Variants in FMNL2 observed in about 807,000 individuals in gnomAD.
FMNL2 encodes formin-like protein 2.
In FMNL2, 51 loss-of-function variants were observed where a neutral mutation model predicts 130.2. The observed-to-expected ratio is 0.39, with a 90% CI of 0.31 to 0.49. The LOEUF (loss-of-function observed/expected upper bound fraction) is 0.49. Ranked by LOEUF, FMNL2 falls within the 20% of genes least tolerant of loss-of-function variation. The probability of loss-of-function intolerance (pLI) is 0.85; values close to 1 mark genes in which losing one functional copy is unlikely to be tolerated. For synonymous variants in FMNL2, 465 were observed against 467.1 expected (o/e 1.00, Z 0.06); for missense variants, 977 against 1,316.2 (o/e 0.74, Z 3.99).
chr2:152,585,590 G>A (rs1002516136), intron 9 of FMNL2, among the ~76,000 whole-genome samples: 4 of 152,150 alleles, frequency 2.6e-5, no homozygotes, highest in African/African-American at 7.2e-5. Flanking sequence ...TTCCTAAAAT[G>A]TGGCTATACT....
At chr2:152,399,774 A>G (rs1038488755) in intron 1 of FMNL2, among the ~76,000 whole-genome samples, 6 of 152,204 alleles carry the variant, frequency 3.9e-5, no homozygotes, top group Non-Finnish European at 8.8e-5. Context: ...GAAGTGAGGA[A>G]GCAGTTAAAG....
At chr2:152,617,061 T>G (rs1698991525) in intron 12 of FMNL2, 30 bp from the exon 13 acceptor site, 4 of 1,597,442 alleles carry the variant, frequency 2.5e-6, no homozygotes, top group Non-Finnish European at 3.4e-6. Flanking sequence ...GATCCTGTAT[T>G]GTGACAGCTT....
intron 1 of FMNL2, among the ~76,000 whole-genome samples, chr2:152,481,491 T>A (rs1026335787): frequency 2.6e-5 from 4 of 152,200 alleles, no homozygotes; most frequent in African/African-American, 9.7e-5. Context: ...CGTGGGGAGC[T>A]TTAAAAAATA....
chr2:152,618,144 C>G (rs1056619304), intron 13 of FMNL2, among the ~76,000 whole-genome samples: 3 of 152,288 alleles, frequency 2.0e-5, no homozygotes, highest in Non-Finnish European at 4.4e-5. Context: ...ATGGGCCCCC[C>G]CCTTATAAAA....
At chr2:152,554,828 A>G (rs181867743) in intron 4 of FMNL2, among the ~76,000 whole-genome samples, 6 of 152,208 alleles carry the variant, frequency 3.9e-5, no homozygotes, top group African/African-American at 9.7e-5. Flanking sequence ...TTGACATTCC[A>G]TGAAAAAATG....
intron 6 of FMNL2, among the ~76,000 whole-genome samples, chr2:152,561,756 C>T (rs1837105): frequency 0.76 from 115,045 of 151,910 alleles, 43,744 homozygotes; most frequent in East Asian, 0.81. Context: ...TTTTGTAATT[C>T]TAGTAGAGGC....
At chr2:152,495,090 A>T (rs529456910) in intron 1 of FMNL2, among the ~76,000 whole-genome samples, 5 of 152,290 alleles carry the variant, frequency 3.3e-5, no homozygotes, top group Non-Finnish European at 7.4e-5. Flanking sequence ...CGATTTGTCT[A>T]TGATGCTTGC....
intron 1 of FMNL2, among the ~76,000 whole-genome samples, chr2:152,373,727 T>C (rs1351514735): frequency 1.3e-5 from 2 of 152,028 alleles, no homozygotes; most frequent in East Asian, 3.9e-4. Context: ...TTTTTTTTTT[T>C]CCTGAATATT....
chr2:152,434,495 G>C (rs1272679619), intron 1 of FMNL2, among the ~76,000 whole-genome samples: 6 of 152,156 alleles, frequency 3.9e-5, no homozygotes. Flanking sequence ...ACAAAAACTT[G>C]AGTGCTTCCT....
At chr2:152,487,488 A>G (rs1690894705) in intron 1 of FMNL2, among the ~76,000 whole-genome samples, 1 of 152,216 alleles carries the variant, frequency 6.6e-6, no homozygotes, top group Admixed American at 6.5e-5. Context: ...TACATTATCT[A>G]TCAATGATAT....
intron 1 of FMNL2, among the ~76,000 whole-genome samples, chr2:152,361,029 A>T (rs1005457309): frequency 6.6e-6 from 1 of 152,230 alleles, no homozygotes; most frequent in Non-Finnish European, 1.5e-5. Flanking sequence ...CATAATAAAC[A>T]GTGGGGAATA....
At chr2:152,638,557 G>A (rs893328) in intron 23 of FMNL2, among the ~76,000 whole-genome samples, 129,021 of 152,246 alleles carry the variant, frequency 0.85, 55,303 homozygotes, top group Non-Finnish European at 0.9. Context: ...CTAAAACTCA[G>A]AAAGTCAAAA....
At chr2:152,554,553 C>G (rs1695106174) in intron 4 of FMNL2, among the ~76,000 whole-genome samples, 1 of 152,148 alleles carries the variant, frequency 6.6e-6, no homozygotes, top group Non-Finnish European at 1.5e-5. Flanking sequence ...GAAGCATATC[C>G]CTTTACAATG....
intron 1 of FMNL2, among the ~76,000 whole-genome samples, chr2:152,520,344 C>T (rs527987220): frequency 1.6e-4 from 25 of 151,982 alleles, no homozygotes; most frequent in African/African-American, 5.1e-4. Context: ...CTGTAATCCC[C>T]GCACTTTGGG....
chr2:152,390,406 G>C, intron 1 of FMNL2: 1 of 1,092,568 alleles, frequency 9.2e-7, no homozygotes, highest in Non-Finnish European at 1.4e-6. Flanking sequence ...TGGTGGAGCT[G>C]CTTGGTGTCC....
chr2:152,445,732 A>G (rs974532226), intron 1 of FMNL2, among the ~76,000 whole-genome samples: 2 of 152,178 alleles, frequency 1.3e-5, no homozygotes, highest in African/African-American at 4.8e-5. Flanking sequence ...TTCCCAGGTG[A>G]TGCTGCTAGC....
intron 1 of FMNL2, among the ~76,000 whole-genome samples, chr2:152,465,497 T>C (rs1689480054): frequency 6.6e-6 from 1 of 152,210 alleles, no homozygotes; most frequent in Admixed American, 6.5e-5. Context: ...ATGGCTCCTT[T>C]AGTATCTTGA....
chr2:152,591,531 C>T (rs752792456), intron 9 of FMNL2, among the ~76,000 whole-genome samples: 5 of 152,226 alleles, frequency 3.3e-5, no homozygotes, highest in Admixed American at 6.5e-5. Flanking sequence ...TCAGGCCAGG[C>T]GCAACGGCTC....
chr2:152,485,927 A>G (rs553698993), intron 1 of FMNL2, among the ~76,000 whole-genome samples: 4 of 152,218 alleles, frequency 2.6e-5, no homozygotes, highest in Non-Finnish European at 5.9e-5. Flanking sequence ...GTGCAGGGAC[A>G]TGGGAGGAGC....
Sources: gnomAD v4.1 joint callset for allele counts (sites outside exome capture counted in the v4.1 genomes callset) on GRCh38, gnomAD v4.1.1 for gene constraint, MANE v1.5 for transcripts, NCBI Gene and HGNC (gene_info 2026-07-23, HGNC 2026-07-21) for gene names.